The following ANO6 variants were observed in gnomAD, a reference collection of about 807,000 sequenced individuals.
ANO6 encodes anoctamin-6.
In ANO6, 106 loss-of-function variants were observed where a neutral mutation model predicts 117.5. That is an observed-to-expected ratio of 0.90 (90% confidence interval 0.77 to 1.06). ANO6 has a LOEUF of 1.06. Among genes scored for constraint, ANO6 ranks in the 50% least tolerant of loss-of-function variants. The probability of loss-of-function intolerance (pLI) is 0.00; values close to 1 mark genes in which losing one functional copy is unlikely to be tolerated. For synonymous variants in ANO6, 367 were observed against 385.1 expected (o/e 0.95, Z 0.55); for missense variants, 955 against 1,121.1 (o/e 0.85, Z 2.12).
At chr12:45,247,302 G>A (rs1458394482) in intron 1 of ANO6, among the ~76,000 whole-genome samples, 2 of 152,090 alleles carry the variant, frequency 1.3e-5, no homozygotes, top group African/African-American at 2.4e-5. Context: ...AAACTAAGAA[G>A]GTGCATAAAG....
intron 1 of ANO6, among the ~76,000 whole-genome samples, chr12:45,222,849 T>C (rs1343200334): frequency 6.6e-6 from 1 of 152,222 alleles, no homozygotes; most frequent in Non-Finnish European, 1.5e-5. Context: ...AAAAATCTGA[T>C]CAGACAGGCC....
intron 1 of ANO6, among the ~76,000 whole-genome samples, chr12:45,245,538 G>T (rs1947812210): frequency 1.3e-5 from 2 of 148,744 alleles, no homozygotes; most frequent in South Asian, 2.1e-4. Context: ...CTTTTTCACT[G>T]TTTTACAGGC....
At chr12:45,383,708 A>G (rs1942224700) in intron 10 of ANO6, among the ~76,000 whole-genome samples, 1 of 152,226 alleles carries the variant, frequency 6.6e-6, no homozygotes, top group Non-Finnish European at 1.5e-5. Flanking sequence ...TTTTTTATGA[A>G]CAATGGGCTT....
chr12:45,370,769 G>C (rs1283539298), intron 9 of ANO6, among the ~76,000 whole-genome samples: 1 of 152,192 alleles, frequency 6.6e-6, no homozygotes, highest in East Asian at 1.9e-4. Context: ...CTGGACAAGA[G>C]GAGTAGGTGG....
intron 1 of ANO6, among the ~76,000 whole-genome samples, chr12:45,298,942 A>G (rs1939388367): frequency 6.6e-6 from 1 of 152,146 alleles, no homozygotes; most frequent in African/African-American, 2.4e-5. Context: ...AGGAATCTAG[A>G]TAAGATGCCA....
intron 1 of ANO6, among the ~76,000 whole-genome samples, chr12:45,274,597 C>A (rs2137240517): frequency 1.3e-5 from 2 of 152,172 alleles, no homozygotes; most frequent in Middle Eastern, 3.4e-3. Context: ...ATAGAACAGT[C>A]ACAGTGATCC....
chr12:45,291,946 A>G (rs1166878216), intron 1 of ANO6, among the ~76,000 whole-genome samples: 1 of 152,196 alleles, frequency 6.6e-6, no homozygotes, highest in Non-Finnish European at 1.5e-5. Context: ...CGTACGATCC[A>G]CAGTTCCAAA....
intron 12 of ANO6, among the ~76,000 whole-genome samples, chr12:45,397,180 T>C (rs1323504972): frequency 1.3e-5 from 2 of 152,122 alleles, no homozygotes; most frequent in Non-Finnish European, 2.9e-5. Context: ...GGGCAAAGCA[T>C]ATGAACAGAC....
intron 1 of ANO6, among the ~76,000 whole-genome samples, chr12:45,228,461 C>T (rs1947522742): frequency 6.6e-6 from 1 of 152,012 alleles, no homozygotes; most frequent in Admixed American, 6.6e-5. Context: ...TTAAAGTATG[C>T]ATGCTCCTTT....
chr12:45,216,501 G>C (rs918292083), intron 1 of ANO6, 110 bp downstream of exon 1: 39 of 1,232,914 alleles, frequency 3.2e-5, no homozygotes, highest in Non-Finnish European at 2.5e-5. Context: ...TGGCCGAGAC[G>C]CTCGGCCGCT....
intron 2 of ANO6, among the ~76,000 whole-genome samples, chr12:45,316,061 T>A (rs1238115535): frequency 6.6e-6 from 1 of 152,120 alleles, no homozygotes; most frequent in Non-Finnish European, 1.5e-5. Flanking sequence ...TATTTATTTC[T>A]TCTGTGAGGT....
chr12:45,330,219 G>A (rs1263591041), intron 2 of ANO6, among the ~76,000 whole-genome samples: 2 of 152,084 alleles, frequency 1.3e-5, no homozygotes, highest in Non-Finnish European at 2.9e-5. Context: ...AAGGGGAAAG[G>A]AATGATAAAT....
chr12:45,332,684 A>T (rs555731569), intron 3 of ANO6, among the ~76,000 whole-genome samples: 3 of 152,082 alleles, frequency 2.0e-5, no homozygotes, highest in African/African-American at 7.2e-5. Flanking sequence ...TGTTTGGCAC[A>T]TAGTTTGGGG....
intron 2 of ANO6, among the ~76,000 whole-genome samples, chr12:45,323,513 TTAAGG>T (rs1187115359): frequency 6.6e-6 from 1 of 152,234 alleles, no homozygotes; most frequent in Non-Finnish European, 1.5e-5. Context: ...CGGTTACCTA[TTAAGG>T]TAGAGAATAC....
chr12:45,386,521 T>G (rs1175107281), intron 10 of ANO6, among the ~76,000 whole-genome samples: 1 of 148,192 alleles, frequency 6.7e-6, no homozygotes, highest in Non-Finnish European at 1.5e-5. Context: ...CATACCTGCA[T>G]CCATCCGTCT....
At chr12:45,241,861 C>G (rs749156233) in intron 1 of ANO6, among the ~76,000 whole-genome samples, 8 of 152,206 alleles carry the variant, frequency 5.3e-5, no homozygotes, top group Non-Finnish European at 1.2e-4. Context: ...CCCTGTTTGC[C>G]TGGGTATCAC....
At chr12:45,326,731 C>T (rs1940479359) in intron 2 of ANO6, among the ~76,000 whole-genome samples, 1 of 152,192 alleles carries the variant, frequency 6.6e-6, no homozygotes, top group African/African-American at 2.4e-5. Flanking sequence ...CCAGATTGTG[C>T]TGGGACACCA....
chr12:45,356,198 G>A (rs1555172548), intron 7 of ANO6, among the ~76,000 whole-genome samples: 2 of 152,062 alleles, frequency 1.3e-5, no homozygotes, highest in Non-Finnish European at 2.9e-5. Context: ...TAAAACTTAG[G>A]AAAAAATAGA....
chr12:45,292,563 T>G, intron 1 of ANO6: 1 of 827,640 alleles, frequency 1.2e-6, no homozygotes, highest in Non-Finnish European at 1.5e-6. Context: ...GTACATTGAG[T>G]TTTTCTATAA....
Sources: gnomAD v4.1 joint callset for allele counts (sites outside exome capture counted in the v4.1 genomes callset) on GRCh38, gnomAD v4.1.1 for gene constraint, MANE v1.5 for transcripts, NCBI Gene and HGNC (gene_info 2026-07-23, HGNC 2026-07-21) for gene names.